The following OCA2 variants were observed in gnomAD, a reference collection of about 807,000 sequenced individuals.
The protein encoded by OCA2 is OCA2 melanosomal transmembrane protein, also known as P protein.
OCA2 carries 77 observed loss-of-function variants against 100.2 expected under a neutral mutation model. The ratio of observed to expected loss-of-function variants is 0.77; its 90% CI spans 0.64 to 0.93. The LOEUF is 0.93. OCA2 is among the 40% of genes least tolerant of loss of function. The pLI, the probability that OCA2 is intolerant of heterozygous loss-of-function variation, is 0.00. For synonymous variants in OCA2, 432 were observed against 439.2 expected (o/e 0.98, Z 0.21); for missense variants, 1,062 against 1,089.1 (o/e 0.98, Z 0.35).
rs75423129 is a variant in OCA2, at chr15:27,943,919, C to T, written c.1951+7865G>A. ...ATATCTTCCTGTAACTTCTGTCCTC[C>T]TAACATGTATAAAATCAAGCTGTAA... is the stretch of plus-strand genomic sequence containing the variant. On this transcript the variant is annotated intron_variant, in intron 18 of 23. Transcript: ENST00000354638. Among the ~76,000 whole-genome samples, 939 of 152,262 alleles carry T rather than the reference C, an allele frequency of 6.2e-3. 15 individuals carry two copies. Among genetic ancestry groups the T allele is most frequent in the African/African-American group, 0.021 (891 of 41,542 alleles).
At chr15:28,097,658 G>T (rs1347679006) in intron 1 of OCA2, among the ~76,000 whole-genome samples, 1 of 152,126 alleles carries the variant, frequency 6.6e-6, no homozygotes, top group Non-Finnish European at 1.5e-5. Flanking sequence ...AAACCACTGT[G>T]TCCATCTACC....
intron 21 of OCA2, among the ~76,000 whole-genome samples, chr15:27,858,549 G>A (rs1057181467): frequency 2.0e-5 from 3 of 151,868 alleles, no homozygotes; most frequent in Non-Finnish European, 4.4e-5. Flanking sequence ...TAGAACTGAG[G>A]TGGGTACATT....
At chr15:27,792,951 C>A (rs2033154215) in intron 23 of OCA2, among the ~76,000 whole-genome samples, 1 of 152,214 alleles carries the variant, frequency 6.6e-6, no homozygotes, top group Non-Finnish European at 1.5e-5. Context: ...GTGCTGGCGT[C>A]CAGCACAACT....
intron 1 of OCA2, 42 bp downstream of exon 1, chr15:28,099,182 C>G (rs7497270): frequency 6.5e-6 from 1 of 153,066 alleles, no homozygotes; most frequent in Non-Finnish European, 1.5e-5. Flanking sequence ...TAGTCTGGCT[C>G]CTCGCCTCCT....
chr15:27,866,743 G>C (rs916608843), intron 21 of OCA2, among the ~76,000 whole-genome samples: 2 of 152,186 alleles, frequency 1.3e-5, no homozygotes, highest in South Asian at 4.1e-4. Flanking sequence ...AGGAGAAAGC[G>C]CTGAGGTAGG....
the OCA2 span, among the ~76,000 whole-genome samples, chr15:27,730,214 A>G: frequency 6.6e-6 from 1 of 152,178 alleles, no homozygotes; most frequent in African/African-American, 2.4e-5. Flanking sequence ...AAAACACTTT[A>G]TATGTCATTG....
At chr15:27,844,569 G>A (rs1454351183) in intron 23 of OCA2, among the ~76,000 whole-genome samples, 1 of 152,122 alleles carries the variant, frequency 6.6e-6, no homozygotes, top group Non-Finnish European at 1.5e-5. Context: ...GAGTGCAGTG[G>A]TGCAATCTCA....
chr15:27,970,528 G>A (rs2040741162), intron 14 of OCA2, among the ~76,000 whole-genome samples: 2 of 151,582 alleles, frequency 1.3e-5, no homozygotes, highest in African/African-American at 4.9e-5. Context: ...ACAGCACGGT[G>A]GGAAAATGTA....
the OCA2 span, among the ~76,000 whole-genome samples, chr15:27,736,640 A>C: frequency 2.6e-5 from 4 of 152,250 alleles, no homozygotes; most frequent in African/African-American, 9.6e-5. Context: ...TTTACAAATA[A>C]ATCTGGTTGA....
At chr15:27,729,572 T>A in the OCA2 span, among the ~76,000 whole-genome samples, 1 of 152,178 alleles carries the variant, frequency 6.6e-6, no homozygotes. Context: ...TGGCTTTCCT[T>A]CCTGTTTGAA....
chr15:27,902,213 G>A (rs3099645), intron 19 of OCA2, among the ~76,000 whole-genome samples: 6 of 57,982 alleles, frequency 1.0e-4, no homozygotes, highest in Non-Finnish European at 1.4e-4. Context: ...AGTTGTTGTT[G>A]TTGTTGTTTT....
At chr15:27,932,591 G>C (rs2703961) in intron 18 of OCA2, among the ~76,000 whole-genome samples, 52,467 of 152,068 alleles carry the variant, frequency 0.35, 9,425 homozygotes, top group Middle Eastern at 0.52. Context: ...AGCTTGTGCT[G>C]ATGCCTAGTC....
intron 19 of OCA2, among the ~76,000 whole-genome samples, chr15:27,872,258 T>C (rs1487900673): frequency 6.6e-6 from 1 of 152,230 alleles, no homozygotes; most frequent in Non-Finnish European, 1.5e-5. Flanking sequence ...CCACTCCATA[T>C]AGATCTTTCA....
chr15:27,798,176 G>A, intron 23 of OCA2, among the ~76,000 whole-genome samples: 1 of 152,206 alleles, frequency 6.6e-6, no homozygotes. Flanking sequence ...TGGGAGGTGG[G>A]GTCAGAGGGG....
intron 2 of OCA2, among the ~76,000 whole-genome samples, chr15:28,042,400 G>A (rs1341663309): frequency 6.6e-6 from 1 of 151,556 alleles, no homozygotes; most frequent in Admixed American, 6.6e-5. Context: ...GCCAAGGTGG[G>A]TGGATCACTT....
At chr15:27,797,685 A>G (rs1447895579) in intron 23 of OCA2, among the ~76,000 whole-genome samples, 6 of 152,230 alleles carry the variant, frequency 3.9e-5, no homozygotes. Context: ...AGTGTTTAGA[A>G]TAAGATTACT....
At chr15:27,728,855 A>G in the OCA2 span, among the ~76,000 whole-genome samples, 6 of 152,178 alleles carry the variant, frequency 3.9e-5, no homozygotes, top group Non-Finnish European at 5.9e-5. Flanking sequence ...TTTTCTCTAG[A>G]ACATGCTTTT....
intron 12 of OCA2, 58 bp downstream of exon 12, chr15:27,986,529 G>GA: frequency 9.5e-7 from 1 of 1,050,880 alleles, no homozygotes. Context: ...TATAATGTCA[G>GA]AAAAATACAT....
At chr15:27,986,491 T>C (rs1259825635) in intron 12 of OCA2, 96 bp downstream of exon 12, 1 of 892,758 alleles carries the variant, frequency 1.1e-6, no homozygotes, top group Non-Finnish European at 1.8e-6. Flanking sequence ...TTTTTCAATG[T>C]TTGTTTTAAA....
Sources: gnomAD v4.1 joint callset for allele counts (sites outside exome capture counted in the v4.1 genomes callset) on GRCh38, gnomAD v4.1.1 for gene constraint, MANE v1.5 for transcripts, NCBI Gene and HGNC (gene_info 2026-07-23, HGNC 2026-07-21) for gene names.